ARRDC5: variants seen among roughly 807,000 people sequenced by gnomAD.
The protein encoded by ARRDC5 is arrestin domain containing 5, also known as arrestin domain-containing protein 5.
ARRDC5 carries 12 observed loss-of-function variants against 13.3 expected under a neutral mutation model. The observed-to-expected ratio is 0.90, with a 90% CI of 0.58 to 1.46. ARRDC5 has a LOEUF of 1.46. Ranked by LOEUF, ARRDC5 falls within the 40% of genes most tolerant of loss-of-function variation. ARRDC5 has a pLI of 0.00. For missense variants in ARRDC5, 406 were observed against 418.7 expected, an observed-to-expected ratio of 0.97 and a Z score of 0.26; for synonymous variants, 181 against 173.4, an observed-to-expected ratio of 1.04 and a Z score of -0.34.
chr19:4,916,293 G>A, the ARRDC5 span, among the ~76,000 whole-genome samples: 11 of 148,994 alleles, frequency 7.4e-5, no homozygotes, highest in African/African-American at 2.8e-4. Flanking sequence ...GAGACAGAGC[G>A]AGACTTTGTC....
chr19:4,902,710 A>G lies in ARRDC5; in HGVS notation c.116T>C (p.Ile39Thr), dbSNP rs8104713. The G allele has an allele frequency of 2.1e-3, 3,437 of 1,613,856 alleles. 56 individuals are homozygous for G. The African/African-American group carries it at 0.041, about 19-fold the overall frequency. ...LTLNSTLVDPIVKVELVGRGY... is the reference protein window; with the variant it reads ...LTLNSTLVDPTVKVELVGRGY... ...CCTTCCCACGAGCTCCACCTTCACTATGGGGTCCACCAGGGTGCTGTTCAG... is the reference window on the plus strand; with the variant it reads ...CCTTCCCACGAGCTCCACCTTCACTGTGGGGTCCACCAGGGTGCTGTTCAG... Residue 39 changes from isoleucine to threonine, a missense_variant, in exon 1 of 3, where the codon ATA becomes ACA. Transcript: ENST00000650722.
chr19:4,893,746 A>C (rs1417517525), intron 2 of ARRDC5, among the ~76,000 whole-genome samples: 1 of 148,372 alleles, frequency 6.7e-6, no homozygotes, highest in African/African-American at 2.5e-5. Flanking sequence ...AAAAAAAAAA[A>C]AAACCAAAAA....
At chr19:4,913,438 A>G in the ARRDC5 span, among the ~76,000 whole-genome samples, 21 of 152,034 alleles carry the variant, frequency 1.4e-4, no homozygotes, top group Non-Finnish European at 3.1e-4. Flanking sequence ...TATTTTTAGT[A>G]GAGACGGAGT....
At chr19:4,908,225 T>C in the ARRDC5 span, among the ~76,000 whole-genome samples, 15 of 152,180 alleles carry the variant, frequency 9.9e-5, no homozygotes, top group Middle Eastern at 3.4e-3. Context: ...TCACAGATCC[T>C]GGGGGCGAGG....
intron 1 of ARRDC5, among the ~76,000 whole-genome samples, chr19:4,900,143 CTT>C (rs35303447): frequency 0.23 from 19,622 of 84,684 alleles, 1,842 homozygotes; most frequent in Middle Eastern, 0.33. Flanking sequence ...CTGTTTCTTT[CTT>C]TTTTTTTTTT....
chr19:4,907,263 C>A (rs2032083156), upstream of ARRDC5, among the ~76,000 whole-genome samples: 1 of 152,106 alleles, frequency 6.6e-6, no homozygotes, highest in Admixed American at 6.6e-5. Context: ...GCACACACCA[C>A]CCTGCCCAGC....
In ARRDC5 at chr19:4,902,565, G is replaced by C. The variant is rs376666359; in HGVS notation, c.253+8C>G. ...ATGGCTAGGGGTGGCTGTTGGCCTC[G>C]TCCTTACCCTCCACTGGGAATGTCT... On this transcript the variant is annotated splice_region_variant and intron_variant, in intron 1 of 2. Transcript: ENST00000650722. 8.1e-6 allele frequency: 13 copies of C among 1,612,528 alleles called. No individual in the cohort carries two copies. The highest frequency in any genetic ancestry group is 1.3e-5 in the African/African-American group (1 of 74,914).
upstream of ARRDC5, chr19:4,903,529 G>A (rs2031992526): frequency 6.6e-6 from 1 of 151,712 alleles, no homozygotes; most frequent in Non-Finnish European, 1.5e-5. Context: ...TTTTGTGATG[G>A]TCTCACTCTG....
chr19:4,916,008 G>A, the ARRDC5 span, among the ~76,000 whole-genome samples: 1 of 152,100 alleles, frequency 6.6e-6, no homozygotes, highest in Non-Finnish European at 1.5e-5. Flanking sequence ...TCTGCCGGCT[G>A]TTAGTGTGTT....
rs768279242 is a variant in ARRDC5, at chr19:4,902,795, G to T, written c.31C>A (p.Leu11Met). Residue 11 changes from leucine to methionine, a missense_variant, in exon 1 of 3, where the codon CTG becomes ATG. Leu to Met is a conservative substitution (Grantham distance 15, BLOSUM62 2). Coordinates refer to ENST00000650722, the MANE Select transcript of ARRDC5 (RefSeq NM_001080523.3). MSVVKSIELV[L>M]PEDRIYLAGS... The stretch of plus-strand genomic sequence containing the variant: ...GCCAGGTAGATTCTATCCTCGGGCA[G>T]CACTAATTCGATCGACTTCACCACA... 4.5e-5 allele frequency: 73 copies of T among 1,613,852 alleles called. No homozygotes were observed. Among genetic ancestry groups the T allele is most frequent in the Admixed American group, 1.3e-4 (8 of 59,966 alleles).
rs768109475 is a variant in ARRDC5 at position 4,902,645 on chromosome 19, C to T, written c.181G>A (p.Asp61Asn). The change falls in exon 1 of 3, where the codon GAT (aspartate) becomes AAT (asparagine). Residue 61 changes from aspartate to asparagine, a missense_variant. Asp to Asn is a conservative substitution (Grantham distance 23). Coordinates refer to ENST00000650722, the MANE Select transcript of ARRDC5 (RefSeq NM_001080523.3). Reference protein sequence around the residue: ...EWSEEAGASCDYSRNVICNNK... With the variant: ...EWSEEAGASCNYSRNVICNNK... ...TTGCAAATAACATTTCTGCTATAATCACAGGATGCCCCGGCTTCTTCACTC... is the reference window on the plus strand; with the variant it reads ...TTGCAAATAACATTTCTGCTATAATTACAGGATGCCCCGGCTTCTTCACTC... 11 of 1,614,004 alleles carry T rather than the reference C, an allele frequency of 6.8e-6. No individual in the cohort carries two copies. The South Asian group carries it at 1.1e-4, about 16-fold the overall frequency.
At chr19:4,904,467 C>A (rs1249817839), upstream of ARRDC5, among the ~76,000 whole-genome samples, 2 of 152,188 alleles carry the variant, frequency 1.3e-5, no homozygotes, top group Non-Finnish European at 1.5e-5. Context: ...GCGTGAGCCA[C>A]CGCACCCAGC....
rs1049328237 is a variant in ARRDC5, at chr19:4,896,719, G to A, written c.411C>T (p.Tyr137=). 44 of 1,613,606 alleles carry A rather than the reference G, an allele frequency of 2.7e-5. No homozygotes were observed. Among genetic ancestry groups the A allele is most frequent in the African/African-American group, 4.0e-5 (3 of 74,886 alleles). The change falls in exon 2 of 3, where the codon TAC becomes TAT. Residue 137 remains tyrosine (Y), a synonymous_variant. Coordinates refer to ENST00000650722, the MANE Select transcript of ARRDC5 (RefSeq NM_001080523.3). ...REHILAKKRM[Y]LLVQGTSTFH... ...AGGTGGAAGTTCCTTGAACCAATAA[G>A]TACATCCTCTTCTTGGCTAAAATGT... is the stretch of plus-strand genomic sequence containing the variant.
chr19:4,910,772 T>C, the ARRDC5 span: 3 of 1,383,484 alleles, frequency 2.2e-6, no homozygotes, highest in South Asian at 3.3e-5. Context: ...GGGAGTTTCC[T>C]GGTGTCCACA....
In ARRDC5 at chr19:4,902,825, TG is replaced by T. The variant is rs758508300; in HGVS notation, c.-1del. 3.1e-6 allele frequency: 5 copies of T among 1,613,660 alleles called. No homozygotes were observed. The highest frequency in any genetic ancestry group is 2.2e-5 in the East Asian group (1 of 44,868). On this transcript the variant is annotated 5_prime_UTR_variant, in exon 1 of 3. Coordinates refer to ENST00000650722, the MANE Select transcript of ARRDC5 (RefSeq NM_001080523.3). ...AATTCGATCGACTTCACCACAGACA[TG>T]GGGGGTTGGGGGGTAGAGAGACATT...
chr19:4,905,234 A>G (rs2032042302), upstream of ARRDC5, among the ~76,000 whole-genome samples: 1 of 141,094 alleles, frequency 7.1e-6, no homozygotes, highest in Non-Finnish European at 1.5e-5. Flanking sequence ...CTCCTGCCTC[A>G]GCCTCCCGAG....
intron 2 of ARRDC5, among the ~76,000 whole-genome samples, chr19:4,892,388 ATT>A (rs143254505): frequency 7.3e-5 from 9 of 122,466 alleles, no homozygotes; most frequent in Admixed American, 3.2e-4. Flanking sequence ...TGCATCCAGC[ATT>A]TTTTTTTTTT....
At chr19:4,909,773 G>C in the ARRDC5 span, 1 of 466,542 alleles carries the variant, frequency 2.1e-6, no homozygotes. Flanking sequence ...ACTCTGTCCC[G>C]GGATCCAGGG....
chr19:4,895,237 C>T (rs1467899340), intron 2 of ARRDC5, among the ~76,000 whole-genome samples: 1 of 151,668 alleles, frequency 6.6e-6, no homozygotes, highest in Non-Finnish European at 1.5e-5. Flanking sequence ...GCCTGGCCAA[C>T]ATGTGGAAAC....
Sources: gnomAD v4.1 joint callset for allele counts (sites outside exome capture counted in the v4.1 genomes callset) on GRCh38, gnomAD v4.1.1 for gene constraint, MANE v1.5 for transcripts, NCBI Gene and HGNC (gene_info 2026-07-23, HGNC 2026-07-21) for gene names.